Variants in ASPSCR1 observed in about 807,000 individuals in gnomAD.
ASPSCR1 encodes tether containing UBX domain for GLUT4.
Under a neutral mutation model 68.9 loss-of-function variants are expected in ASPSCR1, and 55 were observed. The observed-to-expected ratio is 0.80, with a 90% CI of 0.64 to 1.00. The LOEUF (loss-of-function observed/expected upper bound fraction) is 1.00. ASPSCR1 is among the 50% of genes least tolerant of loss of function. The pLI is 0.00. For missense variants in ASPSCR1, 765 were observed against 762.2 expected, an observed-to-expected ratio of 1.00 and a Z score of -0.04; for synonymous variants, 352 against 332.6, an observed-to-expected ratio of 1.06 and a Z score of -0.63.
At chr17:81,991,676 C>T (rs1237704145) in intron 4 of ASPSCR1, among the ~76,000 whole-genome samples, 1 of 152,238 alleles carries the variant, frequency 6.6e-6, no homozygotes, top group East Asian at 1.9e-4. Context: ...GCCCCAGGCT[C>T]TCCCAGGCTC....
At chr17:82,000,872 T>G (rs1880498319) in intron 7 of ASPSCR1, among the ~76,000 whole-genome samples, 1 of 152,104 alleles carries the variant, frequency 6.6e-6, no homozygotes, top group South Asian at 2.1e-4. Context: ...TGCAGCCCTG[T>G]GCTGGGCTGG....
At chr17:81,996,136 A>AC in intron 6 of ASPSCR1, 71 bp downstream of exon 6, 8 of 1,476,818 alleles carry the variant, frequency 5.4e-6, no homozygotes, top group Non-Finnish European at 7.2e-6. Context: ...AGGAAAGGAG[A>AC]AAGGACACGT....
At chr17:81,985,454 A>G in intron 3 of ASPSCR1, 53 bp from the exon 4 acceptor site, 1 of 1,564,044 alleles carries the variant, frequency 6.4e-7, no homozygotes, top group South Asian at 1.1e-5. Flanking sequence ...GGGATTTAGA[A>G]GGAATAGTTG....
In ASPSCR1 at chr17:81,987,736, T is replaced by C. The variant is rs565243270; in HGVS notation, c.374+2129T>C. On this transcript the variant is annotated intron_variant, in intron 4 of 15. Coordinates refer to ENST00000306739, the MANE Select transcript of ASPSCR1 (RefSeq NM_024083.4). This position sits in a 1 kb window ranked among gnomAD's most constrained non-coding sequence, Gnocchi z 5.6. ...GTGGTTCTGGAAGTGGCTTTGGAGC[T>C]GGCTTTGGTGGTGGCTGTGGGGGTG... 3.3e-5 allele frequency among the ~76,000 whole-genome samples: 5 copies of C among 152,010 alleles called. No individual in the cohort carries two copies. In the South Asian group the frequency reaches 1.0e-3, roughly 32 times the overall value.
At position 82,010,861 on chromosome 17, in the gene ASPSCR1, C is replaced by A. The variant is rs201544231; in HGVS notation, c.1230C>A (p.Ser410Arg). The A allele has an allele frequency of 1.2e-6, 2 of 1,612,292 alleles. No individual in the cohort carries two copies. Among genetic ancestry groups the A allele is most frequent in the East Asian group, 2.2e-5 (1 of 44,894 alleles). ...TCCTACAGGGCTTCTTCCGCCCCAG[C>A]GAGACAGGTGGGCAGCGCTGTGGGG... is the stretch of plus-strand genomic sequence containing the variant. ...RYVLQGFFRP[S>R]ETVGDLRDFV... is the part of the protein sequence containing the mutation. Residue 410 changes from serine to arginine, a missense_variant, in exon 10 of 16, where the codon AGC becomes AGA. Transcript: ENST00000306739.
At position 82,012,254 on chromosome 17, in the gene ASPSCR1, C is replaced by A; in HGVS notation, c.1324C>A (p.Leu442Met). The A allele has an allele frequency of 6.2e-7, 1 of 1,613,630 alleles. No homozygotes were observed. Among genetic ancestry groups the A allele is most frequent in the Non-Finnish European group, 8.5e-7 (1 of 1,179,948 alleles). The change falls in exon 12 of 16, where the codon CTG (leucine) becomes ATG (methionine). Residue 442 changes from leucine (L) to methionine (M), a missense_variant. Coordinates refer to ENST00000306739, the MANE Select transcript of ASPSCR1 (RefSeq NM_024083.4). ...AGTCATCACCCCTCCAAAAACAGTC[C>A]TGGACGACCACACGCAGACCCTCTT... ...YLFITPPKTV[L>M]DDHTQTLFQA...
rs1298889486 is a variant in ASPSCR1, at chr17:81,995,201, C to T, written c.432+323C>T. 11 of 468,792 alleles carry T rather than the reference C, an allele frequency of 2.3e-5. 1 individual carries two copies. Among genetic ancestry groups the T allele is most frequent in the Admixed American group, 2.3e-4 (6 of 25,918 alleles). The allele number at this position is 468,792 out of a possible 1,614,324, so 29.0% of individuals were successfully genotyped here. ...AGTGTGGCGTGGCGCAAGCAAAGCC[C>T]GCCGTGGCGGGACCCTCCTAGCGCT... is the stretch of plus-strand genomic sequence containing the variant. On this transcript the variant is annotated intron_variant, in intron 5 of 15. Coordinates refer to ENST00000306739, the MANE Select transcript of ASPSCR1 (RefSeq NM_024083.4).
chr17:81,985,589 G>A lies in ASPSCR1; in HGVS notation c.356G>A (p.Ser119Asn). ...GGCCAGACCCTCTGGGAGCTTCTCA[G>A]CCATTTTCCACAGATCAGGTGAGCA... ...CSGQTLWELL[S>N]HFPQIRECLQ... The change falls in exon 4 of 16, where the codon AGC becomes AAC. Residue 119 changes from serine to asparagine, a missense_variant. Ser to Asn is a conservative substitution (Grantham distance 46, BLOSUM62 1). Coordinates refer to ENST00000306739, the MANE Select transcript of ASPSCR1 (RefSeq NM_024083.4). 6.2e-7 allele frequency: 1 copy of A among 1,613,988 alleles called. No homozygotes were observed. Among genetic ancestry groups the A allele is most frequent in the African/African-American group, 1.3e-5 (1 of 75,080 alleles).
At chr17:82,008,998 C>G in intron 7 of ASPSCR1, 39 bp from the exon 8 acceptor site, 1 of 1,465,712 alleles carries the variant, frequency 6.8e-7, no homozygotes. Flanking sequence ...GAGGGCCCAG[C>G]CCGTGACACC....
At chr17:81,994,211 C>T (rs536825052) in intron 4 of ASPSCR1, among the ~76,000 whole-genome samples, 4 of 152,164 alleles carry the variant, frequency 2.6e-5, no homozygotes, top group African/African-American at 7.2e-5. Flanking sequence ...GTGCCTCCTG[C>T]GGGGCGAGGC....
chr17:82,015,514 G>A (rs1300239882), intron 12 of ASPSCR1: 1 of 942,000 alleles, frequency 1.1e-6, no homozygotes, highest in Non-Finnish European at 1.5e-6. Context: ...TGGGGGTCCT[G>A]GCCTGTGGGG....
At chr17:82,011,908 G>A (rs1051444735) in intron 11 of ASPSCR1, among the ~76,000 whole-genome samples, 12 of 152,146 alleles carry the variant, frequency 7.9e-5, no homozygotes, top group African/African-American at 2.9e-4. Context: ...ACTCCTGCCC[G>A]AGGGCTGTGG....
chr17:81,991,925 G>A (rs901029817), intron 4 of ASPSCR1, among the ~76,000 whole-genome samples: 1 of 152,264 alleles, frequency 6.6e-6, no homozygotes, highest in Non-Finnish European at 1.5e-5. Flanking sequence ...GCGCCTTGCC[G>A]GAGCGGGGCC....
intron 12 of ASPSCR1, chr17:82,014,726 C>T (rs930917505): frequency 1.4e-5 from 5 of 357,956 alleles, no homozygotes; most frequent in Non-Finnish European, 2.6e-5. Context: ...TGCATGCAGC[C>T]CCTACAGAGT....
At position 81,996,728 on chromosome 17, in the gene ASPSCR1, C is replaced by T. The variant is rs765187547; in HGVS notation, c.815C>T (p.Ser272Phe). ...TCATCTTCAGCTAAGTTGCCGAAGT[C>T]CCTCTCCAGCCCTGGAGGCCCCTCC... The part of the protein sequence containing the change: ...LTSSSAKLPK[S>F]LSSPGGPSKP... The change falls in exon 7 of 16, where the codon TCC becomes TTC. Residue 272 changes from serine (S) to phenylalanine (F), a missense_variant. Physicochemically the swap from Ser to Phe is radical, Grantham distance 155 (BLOSUM62 -2). Transcript: ENST00000306739. 1.6e-5 allele frequency: 26 copies of T among 1,613,516 alleles called. No individual in the cohort carries two copies. Among genetic ancestry groups the T allele is most frequent in the Non-Finnish European group, 2.0e-5 (24 of 1,179,994 alleles).
intron 7 of ASPSCR1, among the ~76,000 whole-genome samples, chr17:82,000,446 T>G (rs1400990877): frequency 6.6e-6 from 1 of 151,748 alleles, no homozygotes; most frequent in Admixed American, 6.6e-5. Context: ...GCCCCGCGCC[T>G]CCCATCGCCG....
At position 81,993,722 on chromosome 17, in the gene ASPSCR1, A is replaced by T. The variant is rs970510461; in HGVS notation, c.375-1099A>T. Among the ~76,000 whole-genome samples, 3 of 152,196 alleles carry T rather than the reference A, an allele frequency of 2.0e-5. No homozygotes were observed. In the South Asian group the frequency reaches 6.2e-4, roughly 31 times the overall value. ...CCCTCTGACCCTCCCAGTACCCCCC[A>T]TCCCGGAGGGTTGCTGCAAGCAGTT... On this transcript the variant is annotated intron_variant, in intron 4 of 15. Coordinates refer to ENST00000306739, the MANE Select transcript of ASPSCR1 (RefSeq NM_024083.4).
At chr17:81,979,383 G>T (rs2041722225) in intron 2 of ASPSCR1, 144 bp downstream of exon 2, 3 of 862,582 alleles carry the variant, frequency 3.5e-6, no homozygotes, top group African/African-American at 3.3e-5. Context: ...CAAGGCCTTG[G>T]CAGGGCCACA....
intron 9 of ASPSCR1, 21 bp downstream of exon 9, chr17:82,009,588 G>T: frequency 6.4e-7 from 1 of 1,560,392 alleles, no homozygotes; most frequent in Non-Finnish European, 8.7e-7. Context: ...AGGATGTGGG[G>T]GCGACTGAGG....
Sources: allele counts gnomAD v4.1 joint callset (sites outside exome capture counted in the v4.1 genomes callset), GRCh38; gene constraint gnomAD v4.1.1; non-coding constraint Gnocchi (gnomAD v3.1); transcripts MANE v1.5; gene names NCBI Gene and HGNC (gene_info 2026-07-23, HGNC 2026-07-21).